Variants in PHC2 observed in about 807,000 individuals in gnomAD.
PHC2 encodes the protein polyhomeotic-like protein 2.
Under a neutral mutation model 87.4 loss-of-function variants are expected in PHC2, and 29 were observed. That is an observed-to-expected ratio of 0.33 (90% CI 0.25 to 0.45). PHC2 has a LOEUF of 0.45. PHC2 is among the 20% of genes least tolerant of loss of function. The pLI, the probability that PHC2 is intolerant of heterozygous loss-of-function variation, is 1.00. For synonymous variants in PHC2, 438 were observed against 461.7 expected (o/e 0.95, Z 0.66); for missense variants, 857 against 1,136.7 (o/e 0.75, Z 3.54).
At chr1:33,381,773 T>A (rs372617900) in intron 1 of PHC2, among the ~76,000 whole-genome samples, 28 of 151,900 alleles carry the variant, frequency 1.8e-4, no homozygotes, top group Admixed American at 1.3e-3. Context: ...TAATTGTTAA[T>A]TAATGTCCAT....
intron 2 of PHC2, among the ~76,000 whole-genome samples, chr1:33,373,582 A>G (rs956709574): frequency 4.6e-5 from 7 of 152,114 alleles, no homozygotes; most frequent in African/African-American, 1.4e-4. Flanking sequence ...ATCCCCAGGA[A>G]CAAAGAACAG....
At chr1:33,392,931 G>A (rs1557843627) in intron 1 of PHC2, among the ~76,000 whole-genome samples, 2 of 152,154 alleles carry the variant, frequency 1.3e-5, no homozygotes, top group African/African-American at 2.4e-5. Context: ...GGTAACCCAG[G>A]CTGCTTAGTC....
chr1:33,396,204 T>A (rs962468774), intron 1 of PHC2, among the ~76,000 whole-genome samples: 8 of 152,190 alleles, frequency 5.3e-5, no homozygotes, highest in African/African-American at 1.9e-4. Context: ...CCTAGTCTTC[T>A]CAGAGCCTGC....
intron 9 of PHC2, among the ~76,000 whole-genome samples, chr1:33,343,572 A>G (rs558189049): frequency 1.3e-5 from 2 of 151,818 alleles, no homozygotes; most frequent in Admixed American, 6.6e-5. Flanking sequence ...TGGGATACTT[A>G]TATCTGTCTT....
chr1:33,335,167 T>C (rs975468350), intron 9 of PHC2: 5 of 984,642 alleles, frequency 5.1e-6, no homozygotes, highest in African/African-American at 1.7e-5. Flanking sequence ...ATTACATGCC[T>C]ATACACAACC....
intron 4 of PHC2, among the ~76,000 whole-genome samples, 161 bp from the exon 5 acceptor site, chr1:33,370,746 C>G (rs893254818): frequency 6.6e-6 from 1 of 152,142 alleles, no homozygotes; most frequent in African/African-American, 2.4e-5. Flanking sequence ...CCAGCCCTGT[C>G]CCATCTCTGA....
At chr1:33,410,574 A>G (rs1649943689) in intron 1 of PHC2, among the ~76,000 whole-genome samples, 1 of 152,200 alleles carries the variant, frequency 6.6e-6, no homozygotes, top group Non-Finnish European at 1.5e-5. Context: ...TGCTATCCAG[A>G]CACACTTACT....
In PHC2 at chr1:33,331,783, T is replaced by C. The variant is rs1301650284; in HGVS notation, c.1892-321A>G. The C allele has an allele frequency of 3.2e-6, 1 of 312,388 alleles. No individual in the cohort carries two copies. The highest frequency in any genetic ancestry group is 5.9e-6 in the Non-Finnish European group (1 of 168,306). 19.4% of individuals were successfully genotyped at this position (312,388 alleles called of 1,614,324 possible). On this transcript the variant is annotated intron_variant, in intron 11 of 14. Coordinates refer to ENST00000683057, the MANE Select transcript of PHC2 (RefSeq NM_001385109.1). The surrounding 1 kb of genome is among the most constrained non-coding windows in gnomAD (Gnocchi z 5.2). ...AGCCCCCAGGAAATACTCTGGATGCTGTCACAGCTGCTCCGCTGGCATCAT... is the reference window on the plus strand; with the variant it reads ...AGCCCCCAGGAAATACTCTGGATGCCGTCACAGCTGCTCCGCTGGCATCAT...
At chr1:33,430,100 G>A (rs1418669660) in intron 1 of PHC2, among the ~76,000 whole-genome samples, 1 of 152,092 alleles carries the variant, frequency 6.6e-6, no homozygotes, top group Non-Finnish European at 1.5e-5. Context: ...ATAATTACAA[G>A]AAGACACTTC....
chr1:33,387,057 G>A (rs1222000888), intron 1 of PHC2, among the ~76,000 whole-genome samples: 1 of 152,302 alleles, frequency 6.6e-6, no homozygotes, highest in South Asian at 2.1e-4. Context: ...TAATTATCAG[G>A]CTTTCAGAAT....
chr1:33,409,744 A>G (rs1347824468), intron 1 of PHC2, among the ~76,000 whole-genome samples: 1 of 152,316 alleles, frequency 6.6e-6, no homozygotes, highest in East Asian at 1.9e-4. Context: ...CAGAAGAGTA[A>G]CATTCATCCA....
chr1:33,416,286 G>A (rs985179607), intron 1 of PHC2, among the ~76,000 whole-genome samples: 1 of 151,864 alleles, frequency 6.6e-6, no homozygotes, highest in Non-Finnish European at 1.5e-5. Flanking sequence ...GCAGATTTCT[G>A]GCCAGGAGCG....
At chr1:33,378,357 A>C (rs1648290278) in intron 1 of PHC2, among the ~76,000 whole-genome samples, 3 of 152,206 alleles carry the variant, frequency 2.0e-5, no homozygotes, top group African/African-American at 7.2e-5. Context: ...CAAGCAACAA[A>C]TCAGTAAATG....
chr1:33,413,557 T>C (rs1650069401), intron 1 of PHC2, among the ~76,000 whole-genome samples: 1 of 152,152 alleles, frequency 6.6e-6, no homozygotes, highest in Non-Finnish European at 1.5e-5. Context: ...GAAAAATCAT[T>C]CAATGGCAAC....
intron 1 of PHC2, among the ~76,000 whole-genome samples, chr1:33,397,336 T>C (rs1649336101): frequency 6.6e-6 from 1 of 152,190 alleles, no homozygotes; most frequent in Non-Finnish European, 1.5e-5. Context: ...CTTGAGTCTT[T>C]GGAGCATGTT....
At position 33,375,375 on chromosome 1, in the gene PHC2, C is replaced by T. The variant is rs1648115038; in HGVS notation, c.165G>A (p.Gln55=). The part of the protein sequence containing the change: ...ISVYSGIPDR[Q]TVQVIQQALH... Reference sequence around the variant, plus strand: ...TCAATTAGACTCTTACCTGCACGGTCTGCCGGTCTGGAATACCACTGTACA... The same window carrying T: ...TCAATTAGACTCTTACCTGCACGGTTTGCCGGTCTGGAATACCACTGTACA... The change falls in exon 2 of 15, where the codon CAG becomes CAA. Residue 55 remains glutamine, a synonymous_variant. Coordinates refer to ENST00000683057, the MANE Select transcript of PHC2 (RefSeq NM_001385109.1). 1.3e-6 allele frequency: 2 copies of T among 1,582,310 alleles called. No individual in the cohort carries two copies. Among genetic ancestry groups the T allele is most frequent in the African/African-American group, 1.4e-5 (1 of 74,010 alleles).
rs538214036 is a variant in PHC2 at position 33,334,222 on chromosome 1, G to T, written c.1629C>A (p.Asn543Lys). 2 of 1,612,946 alleles carry T rather than the reference G, an allele frequency of 1.2e-6. No homozygotes were observed. The highest frequency in any genetic ancestry group is 1.3e-5 in the African/African-American group (1 of 74,924). Residue 543 changes from asparagine (N) to lysine (K), a missense_variant, in exon 10 of 15, where the codon AAC (asparagine) becomes AAA (lysine). Asn to Lys is a moderately conservative substitution (Grantham distance 94, BLOSUM62 0). Around this residue, in one of 3 missense-constraint regions of PHC2, gnomAD observed 832 missense variants for 1,081.8 expected, o/e 0.77. Transcript: ENST00000683057. The surrounding 1 kb of genome is among the most constrained non-coding windows in gnomAD (Gnocchi z 5.5). ...CAGTGCCGGCGATGCTGGAGGCAGA[G>T]TTTCCGTTCCCTGAGGTCATGCCGG... ...SSPGMTSGNG[N>K]SASSIAGTAP... is the part of the protein sequence containing the mutation.
intron 9 of PHC2, chr1:33,347,527 T>C (rs1179562813): frequency 1.0e-6 from 1 of 985,184 alleles, no homozygotes; most frequent in East Asian, 1.1e-4. Flanking sequence ...CCAACATTCA[T>C]TAAGCACCTT....
intron 1 of PHC2, among the ~76,000 whole-genome samples, chr1:33,387,572 T>A (rs180772510): frequency 1.3e-5 from 2 of 152,340 alleles, no homozygotes; most frequent in East Asian, 1.9e-4. Context: ...CTCAGGGACA[T>A]AATATCATTT....
Sources: allele counts gnomAD v4.1 joint callset (sites outside exome capture counted in the v4.1 genomes callset), GRCh38; gene constraint gnomAD v4.1.1; regional missense constraint gnomAD v4.1.1; non-coding constraint Gnocchi (gnomAD v3.1); transcripts MANE v1.5; gene names NCBI Gene and HGNC (gene_info 2026-07-23, HGNC 2026-07-21).